The following SORCS2 variants were observed in gnomAD, a reference collection of about 807,000 sequenced individuals.
The protein encoded by SORCS2 is sortilin related VPS10 domain containing receptor 2.
SORCS2 carries 100 observed loss-of-function variants against 141.6 expected under a neutral mutation model. The ratio of observed to expected loss-of-function variants is 0.71; its 90% CI spans 0.60 to 0.83. The LOEUF is 0.83. SORCS2 is among the 40% of genes least tolerant of loss of function. The probability of loss-of-function intolerance (pLI) is 0.00; values close to 1 mark genes in which losing one functional copy is unlikely to be tolerated. For synonymous variants in SORCS2, 789 were observed against 676.9 expected (o/e 1.17, Z -2.57); for missense variants, 1,646 against 1,560.2 (o/e 1.05, Z -0.93).
chr4:7,598,551 A>G (rs1717437894), intron 3 of SORCS2, among the ~76,000 whole-genome samples: 1 of 152,134 alleles, frequency 6.6e-6, no homozygotes, highest in Non-Finnish European at 1.5e-5. Context: ...ATGTCCATGA[A>G]AAACTCCTAC....
intron 3 of SORCS2, among the ~76,000 whole-genome samples, chr4:7,545,159 C>T (rs996110472): frequency 1.4e-5 from 2 of 143,166 alleles, no homozygotes; most frequent in African/African-American, 5.1e-5. Context: ...AAAAAAAAAA[C>T]TCGAGCTTTT....
intron 3 of SORCS2, among the ~76,000 whole-genome samples, chr4:7,555,419 A>G (rs1315934347): frequency 6.6e-6 from 1 of 152,218 alleles, no homozygotes; most frequent in Admixed American, 6.5e-5. Flanking sequence ...GCAGGAGCAC[A>G]AATGCCCTCC....
At chr4:7,616,178 A>T (rs1384593937) in intron 3 of SORCS2, among the ~76,000 whole-genome samples, 2 of 151,978 alleles carry the variant, frequency 1.3e-5, no homozygotes, top group African/African-American at 4.8e-5. Context: ...TGAGCCCTAC[A>T]TCTCATACCT....
At chr4:7,275,155 A>G (rs144883042) in intron 1 of SORCS2, among the ~76,000 whole-genome samples, 14 of 152,324 alleles carry the variant, frequency 9.2e-5, no homozygotes, top group Middle Eastern at 3.4e-3. Context: ...CTAGTTGGGC[A>G]TAAGTGTCTC....
chr4:7,707,812 C>G (rs1014240572), intron 14 of SORCS2, among the ~76,000 whole-genome samples: 2 of 152,202 alleles, frequency 1.3e-5, no homozygotes, highest in African/African-American at 2.4e-5. Flanking sequence ...GAGACAGACG[C>G]TCATGGGGAT....
At chr4:7,598,493 T>G (rs1577815252) in intron 3 of SORCS2, among the ~76,000 whole-genome samples, 1 of 152,156 alleles carries the variant, frequency 6.6e-6, no homozygotes, top group East Asian at 1.9e-4. Context: ...TGTGATCATG[T>G]GTCACAACTC....
chr4:7,483,807 A>C (rs1043294587), intron 2 of SORCS2, among the ~76,000 whole-genome samples: 21 of 152,174 alleles, frequency 1.4e-4, no homozygotes, highest in Non-Finnish European at 1.5e-5. Flanking sequence ...TGCAGGGCTT[A>C]AATCCTAGAT....
rs1038549894 is a variant in SORCS2, at chr4:7,192,660, G to C, written c.14G>C (p.Gly5Ala). The C allele has an allele frequency of 1.2e-5, 12 of 987,340 alleles. No homozygotes were observed. Among genetic ancestry groups the C allele is most frequent in the Non-Finnish European group, 1.2e-6 (1 of 832,542 alleles). The allele number at this position is 987,340 out of a possible 1,614,324, so 61.2% of individuals were successfully genotyped here. Residue 5 changes from glycine (G) to alanine (A), a missense_variant, in exon 1 of 27, where the codon GGG becomes GCG. Physicochemically the swap from Gly to Ala is moderately conservative, Grantham distance 60 (BLOSUM62 0). Coordinates refer to ENST00000507866, the MANE Select transcript of SORCS2 (RefSeq NM_020777.3). The surrounding 1 kb of genome is among the most constrained non-coding windows in gnomAD (Gnocchi z 4.0). Reference sequence around the variant, plus strand: ...CCCCTGGCGACCATGGCGCACCGGGGGCCCTCGCGCGCCTCGAAGGGCCCC... The same window carrying C: ...CCCCTGGCGACCATGGCGCACCGGGCGCCCTCGCGCGCCTCGAAGGGCCCC... MAHR[G>A]PSRASKGPGP...
intron 3 of SORCS2, among the ~76,000 whole-genome samples, chr4:7,581,120 C>G (rs1012137470): frequency 2.0e-5 from 3 of 147,318 alleles, no homozygotes; most frequent in African/African-American, 7.5e-5. Flanking sequence ...AGTGATATGT[C>G]TAATTCAAAA....
intron 2 of SORCS2, among the ~76,000 whole-genome samples, chr4:7,525,333 T>C (rs942705313): frequency 2.0e-5 from 3 of 152,098 alleles, no homozygotes; most frequent in Non-Finnish European, 4.4e-5. Flanking sequence ...GCCTTTTTTG[T>C]TGATAAGGAC....
At chr4:7,517,589 A>G (rs1188585132) in intron 2 of SORCS2, among the ~76,000 whole-genome samples, 2 of 152,168 alleles carry the variant, frequency 1.3e-5, no homozygotes, top group East Asian at 3.8e-4. Context: ...GCATACGAAA[A>G]TGTTATCATT....
chr4:7,587,114 A>G (rs1021588115), intron 3 of SORCS2, among the ~76,000 whole-genome samples: 1 of 152,008 alleles, frequency 6.6e-6, no homozygotes, highest in African/African-American at 2.4e-5. Context: ...CGCAAGCAGA[A>G]GCTGGACAAC....
intron 3 of SORCS2, among the ~76,000 whole-genome samples, chr4:7,622,082 TG>T (rs200958291): frequency 0.046 from 7,003 of 152,190 alleles, 278 homozygotes; most frequent in Admixed American, 0.1. Flanking sequence ...GCACGGCCCC[TG>T]GGGGAATTGC....
chr4:7,703,192 G>A (rs996979638), intron 12 of SORCS2, 88 bp from the exon 13 acceptor site: 2 of 1,067,560 alleles, frequency 1.9e-6, no homozygotes, highest in Non-Finnish European at 2.7e-6. Flanking sequence ...GCTGCACATT[G>A]ACAACCCTCC....
At position 7,192,608 on chromosome 4, in the gene SORCS2, G is replaced by C. The variant is rs988439156; in HGVS notation, c.-39G>C. 254 of 987,002 alleles carry C rather than the reference G, an allele frequency of 2.6e-4. No homozygotes were observed. Among genetic ancestry groups the C allele is most frequent in the Admixed American group, 1.1e-3 (18 of 16,106 alleles). The allele number at this position is 987,002 out of a possible 1,614,324, so 61.1% of individuals were successfully genotyped here. A position where few individuals can be genotyped will look rare whatever the true frequency, so the allele number is the denominator to read the frequency against. On this transcript the variant is annotated 5_prime_UTR_variant, in exon 1 of 27. Coordinates refer to ENST00000507866, the MANE Select transcript of SORCS2 (RefSeq NM_020777.3). The surrounding 1 kb of genome is among the most constrained non-coding windows in gnomAD (Gnocchi z 4.0). ...TCCCGGCCGCGGTCCCCTCGTCCGCGCCGCCCCGCCGCCGGCTCCGCTGCC... is the reference window on the plus strand; with the variant it reads ...TCCCGGCCGCGGTCCCCTCGTCCGCCCCGCCCCGCCGCCGGCTCCGCTGCC...
chr4:7,706,650 T>TCCGC (rs1371056911), intron 14 of SORCS2, among the ~76,000 whole-genome samples: 12 of 147,680 alleles, frequency 8.1e-5, no homozygotes, highest in African/African-American at 2.5e-4. Context: ...GAGGCTGGGC[T>TCCGC]CTGCCTGGGC....
At chr4:7,556,428 G>C (rs1471232007) in intron 3 of SORCS2, among the ~76,000 whole-genome samples, 1 of 152,158 alleles carries the variant, frequency 6.6e-6, no homozygotes, top group Non-Finnish European at 1.5e-5. Flanking sequence ...CCTGGGCCCA[G>C]AGGAGCCCAC....
intron 2 of SORCS2, chr4:7,432,303 C>G (rs923627890): frequency 6.6e-6 from 1 of 152,058 alleles, no homozygotes; most frequent in African/African-American, 2.4e-5. Flanking sequence ...CCGCCAGACT[C>G]TCCTGGGTGC....
At chr4:7,296,931 C>T (rs1171856764) in intron 1 of SORCS2, among the ~76,000 whole-genome samples, 1 of 152,194 alleles carries the variant, frequency 6.6e-6, no homozygotes, top group African/African-American at 2.4e-5. Flanking sequence ...GGCCTGGTGT[C>T]CGAGGTGCCC....
Sources: allele counts gnomAD v4.1 joint callset (sites outside exome capture counted in the v4.1 genomes callset), GRCh38; gene constraint gnomAD v4.1.1; non-coding constraint Gnocchi (gnomAD v3.1); transcripts MANE v1.5; gene names NCBI Gene and HGNC (gene_info 2026-07-23, HGNC 2026-07-21).